ZNF444: variants seen among roughly 807,000 people sequenced by gnomAD.
ZNF444 encodes endothelial zinc finger protein 2.
A neutral mutation model predicts 14.4 loss-of-function variants in ZNF444; 8 were observed. The observed-to-expected ratio is 0.56, with a 90% CI of 0.33 to 1.00. The LOEUF (loss-of-function observed/expected upper bound fraction) is 1.00, where lower values mean the gene tolerates loss of function less well. Among genes scored for constraint, ZNF444 ranks in the 50% least tolerant of loss-of-function variants. The pLI is 0.03. For synonymous variants in ZNF444, 258 were observed against 235.9 expected, an observed-to-expected ratio of 1.09 and a Z score of -0.86; for missense variants, 510 against 504.8, an observed-to-expected ratio of 1.01 and a Z score of -0.10.
chr19:56,140,154 T>C (rs776124135), upstream of ZNF444, among the ~76,000 whole-genome samples: 1 of 152,172 alleles, frequency 6.6e-6, no homozygotes, highest in Non-Finnish European at 1.5e-5. Context: ...ATGTAATGAA[T>C]GCTTGTTATG....
upstream of ZNF444, among the ~76,000 whole-genome samples, chr19:56,138,338 G>A (rs2030658138): frequency 6.6e-6 from 1 of 151,778 alleles, no homozygotes; most frequent in Admixed American, 6.6e-5. Context: ...CAAAATCACA[G>A]AAACTGGGCT....
At chr19:56,139,729 G>T (rs202232461), upstream of ZNF444, among the ~76,000 whole-genome samples, 2 of 93,410 alleles carry the variant, frequency 2.1e-5, no homozygotes, top group East Asian at 5.6e-4. Flanking sequence ...AAAAAAAAAA[G>T]AAAAAAGAAT....
At chr19:56,151,004 A>T in intron 3 of ZNF444, 2 of 303,402 alleles carry the variant, frequency 6.6e-6, no homozygotes, top group Non-Finnish European at 1.2e-5. Context: ...GTTTCTTGGC[A>T]TCTGGTCTGT....
chr19:56,153,249 C>G (rs2031693875), intron 3 of ZNF444, among the ~76,000 whole-genome samples: 2 of 152,298 alleles, frequency 1.3e-5, no homozygotes, highest in South Asian at 4.1e-4. Context: ...ATATAGCCTT[C>G]TTGGCTACGT....
chr19:56,149,927 T>C (rs938456117), intron 3 of ZNF444: 4 of 157,066 alleles, frequency 2.5e-5, no homozygotes, highest in Non-Finnish European at 5.7e-5. Flanking sequence ...CCCATGTCAG[T>C]GCTTAACTCC....
rs1263582624 is a variant in ZNF444, at chr19:56,160,402, G to A, written c.*201G>A. ...CCCCAAATTTCACTTTCCTTCTCAGGTCTCACCTCAGCCCCCCCCTTCTCC... is the reference window on the plus strand; with the variant it reads ...CCCCAAATTTCACTTTCCTTCTCAGATCTCACCTCAGCCCCCCCCTTCTCC... On this transcript the variant is annotated 3_prime_UTR_variant, in exon 5 of 5. Transcript: ENST00000337080. The A allele has an allele frequency of 6.0e-6, 3 of 499,592 alleles. No individual in the cohort carries two copies. The highest frequency in any genetic ancestry group is 1.0e-5 in the Non-Finnish European group (3 of 289,574). 30.9% of individuals were successfully genotyped at this position (499,592 alleles called of 1,614,324 possible).
chr19:56,148,891 G>C (rs924600510), intron 3 of ZNF444, among the ~76,000 whole-genome samples: 1 of 152,170 alleles, frequency 6.6e-6, no homozygotes, highest in Admixed American at 6.5e-5. Context: ...GTCATCTGCA[G>C]AGCCACGTCC....
intron 1 of ZNF444, among the ~76,000 whole-genome samples, chr19:56,135,066 C>T (rs946724416): frequency 3.9e-5 from 6 of 152,146 alleles, no homozygotes; most frequent in Admixed American, 3.9e-4. Flanking sequence ...CCCGTCTCTA[C>T]TAAAAATACA....
intron 3 of ZNF444, chr19:56,157,150 C>T (rs1234724599): frequency 6.6e-6 from 1 of 152,330 alleles, no homozygotes; most frequent in East Asian, 1.9e-4. Flanking sequence ...GGGTGGTGCT[C>T]TGGGCCCGAG....
At chr19:56,133,503 T>C (rs949618739) in intron 1 of ZNF444, among the ~76,000 whole-genome samples, 3 of 152,058 alleles carry the variant, frequency 2.0e-5, no homozygotes, top group Middle Eastern at 3.4e-3. Context: ...GCCTCGATTA[T>C]CCCAACCGTA....
chr19:56,159,912 GCCCCGGC>G lies in ZNF444; in HGVS notation c.696_702del (p.Ser232ArgfsTer78). 1 of 1,376,632 alleles carries G rather than the reference GCCCCGGC, an allele frequency of 7.3e-7. No individual in the cohort carries two copies. The allele number at this position is 1,376,632 out of a possible 1,614,324, so 85.3% of individuals were successfully genotyped here. A position where few individuals can be genotyped will look rare whatever the true frequency, so the allele number is the denominator to read the frequency against. On this transcript the variant is annotated frameshift_variant, in exon 5 of 5. Coordinates refer to ENST00000337080, the MANE Select transcript of ZNF444 (RefSeq NM_018337.4). LOFTEE classifies it low-confidence loss of function (END_TRUNC). ...CGCCACCGCGACACGCACCCCGGCA[GCCCCGGC>G]AGCCCCGGGCCCGCGCTGCGCCCTC... is the stretch of plus-strand genomic sequence containing the variant.
At chr19:56,148,025 A>G (rs901038540) in intron 3 of ZNF444, among the ~76,000 whole-genome samples, 1 of 149,782 alleles carries the variant, frequency 6.7e-6, no homozygotes, top group Non-Finnish European at 1.5e-5. Context: ...GGAAGTTGCC[A>G]GCCTGGCTTA....
At chr19:56,153,374 C>G (rs1178337144) in intron 3 of ZNF444, among the ~76,000 whole-genome samples, 1 of 152,042 alleles carries the variant, frequency 6.6e-6, no homozygotes, top group Non-Finnish European at 1.5e-5. Context: ...GTGATGTGTC[C>G]CTGGAGCTCA....
rs1297105271 is a variant in ZNF444 at position 56,158,527 on chromosome 19, A to G, written c.331A>G (p.Thr111Ala). 3.1e-6 allele frequency: 5 copies of G among 1,611,958 alleles called. No individual in the cohort carries two copies. The East Asian group carries it at 1.1e-4, about 36-fold the overall frequency. ...PAASPDGSSA[T>A]RVPQDVTQGP... ...AGCCTCCCCCGATGGGTCGTCAGCAACGAGGGTGCCTCAGGATGTGACGCA... is the reference window on the plus strand; with the variant it reads ...AGCCTCCCCCGATGGGTCGTCAGCAGCGAGGGTGCCTCAGGATGTGACGCA... Residue 111 changes from threonine (T) to alanine (A), a missense_variant, in exon 4 of 5, where the codon ACG becomes GCG. By Grantham distance (58) the Thr-to-Ala change is moderately conservative. Transcript: ENST00000337080.
chr19:56,154,695 G>A (rs2031794207), intron 3 of ZNF444: 2 of 151,908 alleles, frequency 1.3e-5, no homozygotes. Flanking sequence ...ATTCCGCAGT[G>A]GGTGGACAGA....
intron 3 of ZNF444, among the ~76,000 whole-genome samples, chr19:56,153,644 A>G (rs2031720845): frequency 6.6e-6 from 1 of 152,200 alleles, no homozygotes. Context: ...TCAGGCACAC[A>G]ATAGGGAAAG....
At chr19:56,150,069 G>A (rs1453777081) in intron 3 of ZNF444, 1 of 164,022 alleles carries the variant, frequency 6.1e-6, no homozygotes, top group African/African-American at 2.4e-5. Flanking sequence ...AGTGGGGGTG[G>A]AACAGAACCA....
At chr19:56,141,573 AG>A (rs1424338224) in intron 1 of ZNF444, among the ~76,000 whole-genome samples, 2 of 83,996 alleles carry the variant, frequency 2.4e-5, no homozygotes, top group South Asian at 1.2e-3. Flanking sequence ...GGATAGTGGG[AG>A]GGGGTCGTGG....
intron 3 of ZNF444, chr19:56,151,754 G>A (rs1270462851): frequency 2.2e-6 from 1 of 445,060 alleles, no homozygotes; most frequent in Admixed American, 2.5e-5. Flanking sequence ...TGACATCTGG[G>A]GGCATCTAGT....
Sources: allele counts gnomAD v4.1 joint callset (sites outside exome capture counted in the v4.1 genomes callset), GRCh38; gene constraint gnomAD v4.1.1; transcripts MANE v1.5; gene names NCBI Gene and HGNC (gene_info 2026-07-23, HGNC 2026-07-21).